Variants in PPP3CC observed in about 807,000 individuals in gnomAD.
The protein encoded by PPP3CC is serine/threonine-protein phosphatase 2B catalytic subunit gamma isoform.
Under a neutral mutation model 60.3 loss-of-function variants are expected in PPP3CC, and 35 were observed. That is an observed-to-expected ratio of 0.58 (90% CI 0.44 to 0.77). The LOEUF (loss-of-function observed/expected upper bound fraction) is 0.77. PPP3CC is among the 30% of genes least tolerant of loss of function. The pLI, the probability that PPP3CC is intolerant of heterozygous loss-of-function variation, is 0.00. For synonymous variants in PPP3CC, 206 were observed against 224.3 expected, an observed-to-expected ratio of 0.92 and a Z score of 0.73; for missense variants, 570 against 628.9, an observed-to-expected ratio of 0.91 and a Z score of 1.00.
intron 4 of PPP3CC, among the ~76,000 whole-genome samples, chr8:22,502,242 G>T (rs1217086780): frequency 1.3e-5 from 2 of 152,126 alleles, no homozygotes; most frequent in African/African-American, 2.4e-5. Context: ...CTCACAAAAA[G>T]ATAGTAAAAT....
At chr8:22,454,284 A>G (rs1369386320) in intron 1 of PPP3CC, among the ~76,000 whole-genome samples, 2 of 152,180 alleles carry the variant, frequency 1.3e-5, no homozygotes, top group African/African-American at 4.8e-5. Context: ...CCAGAGAGTC[A>G]GGATGATCAA....
chr8:22,457,019 T>TCCTC (rs1837217661), intron 1 of PPP3CC, among the ~76,000 whole-genome samples: 1 of 17,652 alleles, frequency 5.7e-5, no homozygotes, highest in Non-Finnish European at 1.0e-4. Context: ...CTCCCTCCCT[T>TCCTC]CCTCCCTTCC....
chr8:22,490,103 G>A (rs1032524427), intron 3 of PPP3CC, among the ~76,000 whole-genome samples: 6 of 151,964 alleles, frequency 3.9e-5, no homozygotes, highest in African/African-American at 1.2e-4. Context: ...GATTATAGGC[G>A]TGAGCTGCCG....
intron 4 of PPP3CC, among the ~76,000 whole-genome samples, chr8:22,506,863 A>T (rs2469759): frequency 0.45 from 67,720 of 151,782 alleles, 15,318 homozygotes; most frequent in East Asian, 0.6. Context: ...GATGGTGTGA[A>T]CCCGGGAGGC....
At chr8:22,519,345 T>C (rs1403093817) in intron 6 of PPP3CC, among the ~76,000 whole-genome samples, 3 of 152,242 alleles carry the variant, frequency 2.0e-5, no homozygotes, top group Non-Finnish European at 4.4e-5. Context: ...ATACTATATC[T>C]TTTGATTTGA....
At chr8:22,444,484 A>T (rs1265778694) in intron 1 of PPP3CC, among the ~76,000 whole-genome samples, 1 of 152,130 alleles carries the variant, frequency 6.6e-6, no homozygotes, top group African/African-American at 2.4e-5. Flanking sequence ...AAGCTACAAA[A>T]CTGTTCCTAG....
intron 1 of PPP3CC, among the ~76,000 whole-genome samples, chr8:22,468,311 G>A (rs1837610424): frequency 6.6e-6 from 1 of 151,976 alleles, no homozygotes; most frequent in South Asian, 2.1e-4. Flanking sequence ...CACCATGTTG[G>A]CCAGGCTGAT....
intron 1 of PPP3CC, among the ~76,000 whole-genome samples, chr8:22,463,611 A>G (rs527602660): frequency 6.6e-6 from 1 of 152,330 alleles, no homozygotes; most frequent in South Asian, 2.1e-4. Flanking sequence ...GTCACTGATT[A>G]TCCTAGAAGT....
At chr8:22,471,126 T>C (rs1390374398) in intron 1 of PPP3CC, among the ~76,000 whole-genome samples, 1 of 152,128 alleles carries the variant, frequency 6.6e-6, no homozygotes, top group East Asian at 1.9e-4. Flanking sequence ...AACTTTATGG[T>C]TTCAAATTTC....
chr8:22,447,515 G>A (rs754279133), intron 1 of PPP3CC, among the ~76,000 whole-genome samples: 2 of 151,618 alleles, frequency 1.3e-5, no homozygotes, highest in Non-Finnish European at 2.9e-5. Flanking sequence ...GTGGAGTTTC[G>A]CCCTGTTGTT....
intron 12 of PPP3CC, 144 bp from the exon 13 acceptor site, chr8:22,539,325 T>C: frequency 1.5e-6 from 1 of 670,614 alleles, no homozygotes; most frequent in Non-Finnish European, 2.5e-6. Flanking sequence ...TCTTCTCGCT[T>C]CTCTAACTAG....
intron 3 of PPP3CC, among the ~76,000 whole-genome samples, chr8:22,483,850 T>A (rs77764433): frequency 0.054 from 8,157 of 151,820 alleles, 724 homozygotes; most frequent in African/African-American, 0.18. Flanking sequence ...TTAAAAAAAA[T>A]TTTTTTAAGA....
At chr8:22,524,071 T>C (rs1048038831) in intron 8 of PPP3CC, among the ~76,000 whole-genome samples, 10 of 152,182 alleles carry the variant, frequency 6.6e-5, no homozygotes, top group Admixed American at 1.3e-4. Context: ...TGAAGATAAG[T>C]TGGAATAAGG....
At chr8:22,511,670 T>C (rs912843742) in intron 5 of PPP3CC, among the ~76,000 whole-genome samples, 2 of 152,212 alleles carry the variant, frequency 1.3e-5, no homozygotes, top group African/African-American at 2.4e-5. Context: ...ACCTCTGATT[T>C]CATCACTATA....
Position 22,528,543 on chromosome 8 carries a change from T to C in PPP3CC, c.1107T>C (p.Ser369=). 1 of 1,567,892 alleles carries C rather than the reference T, an allele frequency of 6.4e-7. No homozygotes were observed. The highest frequency in any genetic ancestry group is 1.2e-5 in the South Asian group (1 of 80,368). The change falls in exon 10 of 14, where the codon TCT becomes TCC. Residue 369 remains serine, a synonymous_variant. Transcript: ENST00000240139. ...EMLVNVLNIC[S]DDELISDDEA... is the part of the protein sequence containing the mutation. ...TGGTAAATGTGCTCAACATATGCTC[T>C]GATGACGAACTGATTTCTGATGATG...
chr8:22,444,310 C>T (rs751605210), intron 1 of PPP3CC, among the ~76,000 whole-genome samples: 1 of 152,036 alleles, frequency 6.6e-6, no homozygotes, highest in Non-Finnish European at 1.5e-5. Flanking sequence ...TAATACCTTC[C>T]CTGTCAAGCC....
chr8:22,506,831 A>G (rs186672683), intron 4 of PPP3CC, among the ~76,000 whole-genome samples: 1 of 152,018 alleles, frequency 6.6e-6, no homozygotes, highest in Non-Finnish European at 1.5e-5. Flanking sequence ...AGTCCCAGCT[A>G]CTCGGGAGGC....
chr8:22,523,258 T>C (rs900638233), intron 8 of PPP3CC, among the ~76,000 whole-genome samples: 1 of 152,104 alleles, frequency 6.6e-6, no homozygotes, highest in Non-Finnish European at 1.5e-5. Flanking sequence ...TTTGAGTGAG[T>C]CACATTATCT....
intron 3 of PPP3CC, chr8:22,493,175 T>A: frequency 8.1e-7 from 1 of 1,238,250 alleles, no homozygotes; most frequent in South Asian, 1.2e-5. Context: ...TATTTTATAT[T>A]ATGACTGCTT....
Sources: allele counts gnomAD v4.1 joint callset (sites outside exome capture counted in the v4.1 genomes callset), GRCh38; gene constraint gnomAD v4.1.1; transcripts MANE v1.5; gene names NCBI Gene and HGNC (gene_info 2026-07-23, HGNC 2026-07-21).